Variants in SH3PXD2A observed in about 807,000 individuals in gnomAD.
The protein encoded by SH3PXD2A is SH3 and PX domain-containing protein 2A.
A neutral mutation model predicts 115.2 loss-of-function variants in SH3PXD2A; 32 were observed. That is an observed-to-expected ratio of 0.28 (90% CI 0.21 to 0.37). The LOEUF (loss-of-function observed/expected upper bound fraction) is 0.37. SH3PXD2A is among the 10% of genes least tolerant of loss of function. The probability of loss-of-function intolerance (pLI) is 1.00; values close to 1 mark genes in which losing one functional copy is unlikely to be tolerated. For synonymous variants in SH3PXD2A, 610 were observed against 629.1 expected (o/e 0.97, Z 0.45); for missense variants, 1,328 against 1,498.7 (o/e 0.89, Z 1.88).
At chr10:103,806,938 C>T (rs928422773) in intron 1 of SH3PXD2A, among the ~76,000 whole-genome samples, 3 of 152,202 alleles carry the variant, frequency 2.0e-5, no homozygotes, top group Admixed American at 6.5e-5. Flanking sequence ...ACACACCCAG[C>T]GCAACGCTCT....
At chr10:103,629,021 C>T (rs905268458) in intron 8 of SH3PXD2A, among the ~76,000 whole-genome samples, 2 of 152,224 alleles carry the variant, frequency 1.3e-5, no homozygotes, top group African/African-American at 4.8e-5. Context: ...GCAGGCTGGC[C>T]TCTAACCCCT....
intron 3 of SH3PXD2A, among the ~76,000 whole-genome samples, chr10:103,750,606 A>C (rs1480656514): frequency 1.3e-5 from 2 of 152,206 alleles, no homozygotes; most frequent in Admixed American, 6.5e-5. Context: ...TCTGAGGCTG[A>C]GAATTACTGA....
intron 14 of SH3PXD2A, among the ~76,000 whole-genome samples, chr10:103,604,163 C>T (rs894674388): frequency 6.6e-6 from 1 of 152,314 alleles, no homozygotes; most frequent in South Asian, 2.1e-4. Flanking sequence ...TCTGCTGCCC[C>T]TTCCCTCCTC....
chr10:103,753,107 AT>A (rs1417139736), intron 3 of SH3PXD2A, among the ~76,000 whole-genome samples: 1 of 152,072 alleles, frequency 6.6e-6, no homozygotes, highest in Non-Finnish European at 1.5e-5. Flanking sequence ...CATACCTGCC[AT>A]TTTATACCAA....
At chr10:103,764,472 C>T (rs2038733512) in intron 3 of SH3PXD2A, among the ~76,000 whole-genome samples, 1 of 152,130 alleles carries the variant, frequency 6.6e-6, no homozygotes, top group South Asian at 2.1e-4. Flanking sequence ...GGGGGCGAGT[C>T]AACCTCACTC....
intron 14 of SH3PXD2A, among the ~76,000 whole-genome samples, chr10:103,605,458 C>T (rs539221711): frequency 6.6e-6 from 1 of 152,350 alleles, no homozygotes; most frequent in East Asian, 1.9e-4. Context: ...ATTAAAACAA[C>T]AAATGGGTTG....
At chr10:103,605,755 C>G in intron 14 of SH3PXD2A, 43 bp downstream of exon 14, 1 of 1,612,760 alleles carries the variant, frequency 6.2e-7, no homozygotes, top group South Asian at 1.1e-5. Flanking sequence ...AGGTTTTCCA[C>G]CACAATGAGT....
chr10:103,635,618 C>T (rs1416608396), intron 8 of SH3PXD2A, among the ~76,000 whole-genome samples: 3 of 152,214 alleles, frequency 2.0e-5, no homozygotes, highest in Non-Finnish European at 2.9e-5. Flanking sequence ...CGGTGTGTGG[C>T]AGAAACCTTT....
At chr10:103,734,642 G>C (rs987646274) in intron 4 of SH3PXD2A, among the ~76,000 whole-genome samples, 1 of 152,156 alleles carries the variant, frequency 6.6e-6, no homozygotes, top group Non-Finnish European at 1.5e-5. Flanking sequence ...CCAGTTACTC[G>C]GAAGGCTGAG....
At chr10:103,672,141 C>T (rs1037358785) in intron 6 of SH3PXD2A, among the ~76,000 whole-genome samples, 9 of 152,118 alleles carry the variant, frequency 5.9e-5, no homozygotes, top group Admixed American at 3.9e-4. Flanking sequence ...AAAAATTAGC[C>T]GGGCATGATG....
intron 8 of SH3PXD2A, among the ~76,000 whole-genome samples, chr10:103,649,426 C>T (rs893682441): frequency 1.2e-4 from 18 of 152,200 alleles, no homozygotes; most frequent in African/African-American, 3.9e-4. Context: ...CTCGATGGCA[C>T]GCCACTGCTC....
chr10:103,831,087 T>C (rs1286083162), intron 1 of SH3PXD2A, among the ~76,000 whole-genome samples: 1 of 152,260 alleles, frequency 6.6e-6, no homozygotes. Flanking sequence ...TATGTAACCA[T>C]ACATTACACA....
chr10:103,813,802 T>C (rs1181074345), intron 1 of SH3PXD2A, among the ~76,000 whole-genome samples: 3 of 152,108 alleles, frequency 2.0e-5, no homozygotes, highest in African/African-American at 7.2e-5. Flanking sequence ...GCTGAGCTCT[T>C]GAAGCCAAGG....
rs74157331 is a variant in SH3PXD2A, at chr10:103,756,104, G to C, written c.229+10990C>G. On this transcript the variant is annotated intron_variant, in intron 3 of 14. Transcript: ENST00000369774. The surrounding 1 kb of genome is among the most constrained non-coding windows in gnomAD (Gnocchi z 4.4). ...GGAGGCTGGGCAGCCTGGCATCCTG[G>C]GGCCTCCTCAGTGGACATCAGTCCT... 5.6e-3 allele frequency among the ~76,000 whole-genome samples: 854 copies of C among 152,338 alleles called. 10 individuals carry two copies. Among genetic ancestry groups the C allele is most frequent in the African/African-American group, 0.02 (815 of 41,586 alleles).
At chr10:103,833,240 AAAT>A (rs2039499168) in intron 1 of SH3PXD2A, among the ~76,000 whole-genome samples, 1 of 152,216 alleles carries the variant, frequency 6.6e-6, no homozygotes, top group African/African-American at 2.4e-5. Flanking sequence ...AAAAAATGCA[AAAT>A]AATACAATGT....
chr10:103,854,333 A>G lies in SH3PXD2A; in HGVS notation c.72+862T>C, dbSNP rs1842921004. Among the ~76,000 whole-genome samples, 2 of 152,210 alleles carry G rather than the reference A, an allele frequency of 1.3e-5. 1 individual carries two copies. The highest frequency in any genetic ancestry group is 1.3e-4 in the Admixed American group (2 of 15,282). Reference sequence around the variant, plus strand: ...TCTTCTATCTCAAGTACAGGAGCACAGACGCTCAGAGGGGTCAAGGACACC... The same window carrying G: ...TCTTCTATCTCAAGTACAGGAGCACGGACGCTCAGAGGGGTCAAGGACACC... On this transcript the variant is annotated intron_variant, in intron 1 of 14. Coordinates refer to ENST00000369774, the MANE Select transcript of SH3PXD2A (RefSeq NM_001394015.1).
intron 11 of SH3PXD2A, among the ~76,000 whole-genome samples, 162 bp downstream of exon 11, chr10:103,617,035 G>A (rs964480078): frequency 3.3e-5 from 5 of 152,280 alleles, no homozygotes; most frequent in African/African-American, 1.2e-4. Context: ...GCATTCTCTG[G>A]TTGAGCTATT....
intron 6 of SH3PXD2A, among the ~76,000 whole-genome samples, chr10:103,674,913 G>C (rs115829544): frequency 0.022 from 3,310 of 152,250 alleles, 112 homozygotes; most frequent in African/African-American, 0.075. Context: ...AAAACAAATA[G>C]TTCAGGTATG....
At chr10:103,764,837 G>C (rs1050369926) in intron 3 of SH3PXD2A, among the ~76,000 whole-genome samples, 1 of 152,134 alleles carries the variant, frequency 6.6e-6, no homozygotes, top group African/African-American at 2.4e-5. Flanking sequence ...GTGTAGCCTT[G>C]TGCAAGTCTA....
Sources: allele counts gnomAD v4.1 joint callset (sites outside exome capture counted in the v4.1 genomes callset), GRCh38; gene constraint gnomAD v4.1.1; non-coding constraint Gnocchi (gnomAD v3.1); transcripts MANE v1.5; gene names NCBI Gene and HGNC (gene_info 2026-07-23, HGNC 2026-07-21).